Variants in MINDY4B observed in about 807,000 individuals in gnomAD.
MINDY4B encodes MINDY family member 4B, also known as inactive ubiquitin carboxyl-terminal hydrolase MINDY-4B.
Under a neutral mutation model 16.7 loss-of-function variants are expected in MINDY4B, and 25 were observed. The observed-to-expected ratio is 1.49, with a 90% CI of 1.09 to 2.09. MINDY4B has a LOEUF of 2.09. Among genes scored for constraint, MINDY4B ranks in the 30% most tolerant of loss-of-function variants. MINDY4B has a pLI of 0.00. For missense variants in MINDY4B, 327 were observed against 168.4 expected, an observed-to-expected ratio of 1.94 and a Z score of -5.21; for synonymous variants, 132 against 61.9, an observed-to-expected ratio of 2.13 and a Z score of -5.32.
intron 10 of MINDY4B, among the ~76,000 whole-genome samples, chr3:150,875,018 C>T (rs975520676): frequency 6.6e-6 from 1 of 152,184 alleles, no homozygotes. Context: ...GCAGGATTTA[C>T]TCATCTGCAT....
intron 8 of MINDY4B, 22 bp from the exon 9 acceptor site, chr3:150,883,794 C>A: frequency 1.4e-6 from 1 of 702,550 alleles, no homozygotes; most frequent in South Asian, 1.5e-5. Context: ...GAGAAGCCAT[C>A]AGCATCCAGT....
At chr3:150,893,263 A>G (rs1711863390) in intron 5 of MINDY4B, 61 bp downstream of exon 5, 1 of 699,840 alleles carries the variant, frequency 1.4e-6, no homozygotes, top group Non-Finnish European at 2.6e-6. Context: ...AGTTATGATT[A>G]TTTAGCATAT....
At chr3:150,901,696 C>G (rs6784215) in intron 3 of MINDY4B, among the ~76,000 whole-genome samples, 42,896 of 151,400 alleles carry the variant, frequency 0.28, 6,532 homozygotes, top group East Asian at 0.4. Context: ...AATTTTTGTA[C>G]TTTTAGTAGA....
intron 5 of MINDY4B, among the ~76,000 whole-genome samples, chr3:150,891,576 A>T (rs1284087099): frequency 6.6e-6 from 1 of 152,032 alleles, no homozygotes; most frequent in African/African-American, 2.4e-5. Flanking sequence ...AGCTTGGCCA[A>T]CATGGCGAAA....
chr3:150,894,119 A>G lies in MINDY4B; in HGVS notation c.429+67T>C, dbSNP rs1711896404. 4.9e-6 allele frequency: 3 copies of G among 609,500 alleles called. No homozygotes were observed. The East Asian group carries it at 8.3e-5, about 17-fold the overall frequency. 37.8% of individuals were successfully genotyped at this position (609,500 alleles called of 1,614,324 possible). On this transcript the variant is annotated intron_variant, in intron 4 of 11. Transcript: ENST00000465419. Reference sequence around the variant, plus strand: ...AAGACATGCATTTACATGGATGTGGACAGGAAGGATATATGGATAAGGAAC... The same window carrying G: ...AAGACATGCATTTACATGGATGTGGGCAGGAAGGATATATGGATAAGGAAC...
chr3:150,892,522 A>G (rs1051726648), intron 5 of MINDY4B, among the ~76,000 whole-genome samples: 12 of 152,220 alleles, frequency 7.9e-5, no homozygotes, highest in African/African-American at 2.4e-4. Flanking sequence ...TATTTCCTCT[A>G]ATATTTAGCA....
intron 7 of MINDY4B, among the ~76,000 whole-genome samples, chr3:150,888,266 A>T (rs1203996904): frequency 6.6e-6 from 1 of 151,090 alleles, no homozygotes; most frequent in East Asian, 1.9e-4. Flanking sequence ...CCATGTGTTC[A>T]AATTTTTCCT....
At chr3:150,876,218 CAT>C (rs1448779955) in intron 10 of MINDY4B, among the ~76,000 whole-genome samples, 1 of 152,212 alleles carries the variant, frequency 6.6e-6, no homozygotes, top group Non-Finnish European at 1.5e-5. Flanking sequence ...TTTCATAACA[CAT>C]ATCATTTAAG....
At chr3:150,887,611 T>A (rs1456609539) in intron 7 of MINDY4B, among the ~76,000 whole-genome samples, 2 of 152,238 alleles carry the variant, frequency 1.3e-5, no homozygotes, top group African/African-American at 4.8e-5. Flanking sequence ...TAGGTTTTTA[T>A]GTGGAATTTC....
chr3:150,901,627 T>C (rs968225993), intron 3 of MINDY4B, among the ~76,000 whole-genome samples: 3 of 151,702 alleles, frequency 2.0e-5, no homozygotes, highest in African/African-American at 7.3e-5. Flanking sequence ...GTTCAAGCGA[T>C]TCTCCTGCCT....
At chr3:150,904,374 G>A (rs1468233512) in intron 2 of MINDY4B, among the ~76,000 whole-genome samples, 2 of 152,158 alleles carry the variant, frequency 1.3e-5, no homozygotes, top group Non-Finnish European at 2.9e-5. Context: ...GAGAGTTTTA[G>A]CATAAATAAG....
chr3:150,878,564 C>A (rs1180038418), intron 10 of MINDY4B, among the ~76,000 whole-genome samples: 1 of 152,162 alleles, frequency 6.6e-6, no homozygotes, highest in Non-Finnish European at 1.5e-5. Flanking sequence ...GGAGAGAACA[C>A]TGAGTCCAAG....
At chr3:150,880,704 A>G (rs1711515157) in intron 10 of MINDY4B, among the ~76,000 whole-genome samples, 1 of 152,190 alleles carries the variant, frequency 6.6e-6, no homozygotes, top group African/African-American at 2.4e-5. Context: ...AATCTTATGA[A>G]AGAGCTTTTG....
intron 3 of MINDY4B, among the ~76,000 whole-genome samples, chr3:150,896,328 T>TC (rs926518649): frequency 2.6e-5 from 4 of 152,168 alleles, no homozygotes; most frequent in African/African-American, 7.2e-5. Context: ...CCCTGGTGCC[T>TC]CCCTGATTAG....
intron 3 of MINDY4B, among the ~76,000 whole-genome samples, chr3:150,896,026 TA>T (rs1711951586): frequency 6.6e-6 from 1 of 152,068 alleles, no homozygotes; most frequent in East Asian, 1.9e-4. Flanking sequence ...CTTGGTCATT[TA>T]ACATAATCCC....
At chr3:150,876,368 A>T (rs1349612182) in intron 10 of MINDY4B, among the ~76,000 whole-genome samples, 1 of 152,182 alleles carries the variant, frequency 6.6e-6, no homozygotes, top group East Asian at 1.9e-4. Flanking sequence ...TATAATAAGC[A>T]TGATATTGCA....
intron 2 of MINDY4B, among the ~76,000 whole-genome samples, chr3:150,904,473 A>G (rs1167982071): frequency 6.6e-6 from 1 of 152,212 alleles, no homozygotes; most frequent in Non-Finnish European, 1.5e-5. Context: ...ATATACTAGT[A>G]CCATGAAAAC....
chr3:150,890,638 T>A (rs1711773674), intron 6 of MINDY4B: 4 of 491,214 alleles, frequency 8.1e-6, no homozygotes, highest in Non-Finnish European at 1.4e-5. Context: ...GAAAGAGATT[T>A]TTTCCTAATA....
chr3:150,904,752 G>T (rs2107913716), intron 2 of MINDY4B, among the ~76,000 whole-genome samples: 1 of 152,298 alleles, frequency 6.6e-6, no homozygotes, highest in South Asian at 2.1e-4. Flanking sequence ...AGAAGCACTT[G>T]GTTGTCAGAA....
Sources: allele counts gnomAD v4.1 joint callset (sites outside exome capture counted in the v4.1 genomes callset), GRCh38; gene constraint gnomAD v4.1.1; transcripts MANE v1.5; gene names NCBI Gene and HGNC (gene_info 2026-07-23, HGNC 2026-07-21).